UMOD: variants seen among roughly 807,000 people sequenced by gnomAD.
UMOD encodes the protein Tamm-Horsfall urinary glycoprotein.
In UMOD, 64 loss-of-function variants were observed where a neutral mutation model predicts 66.0. The ratio of observed to expected loss-of-function variants is 0.97; its 90% CI spans 0.79 to 1.19. The LOEUF (loss-of-function observed/expected upper bound fraction) is 1.19. Ranked by LOEUF, UMOD falls within the 50% of genes most tolerant of loss-of-function variation. The pLI is 0.00. For missense variants in UMOD, 764 were observed against 850.9 expected, an observed-to-expected ratio of 0.90 and a Z score of 1.27; for synonymous variants, 398 against 352.7, an observed-to-expected ratio of 1.13 and a Z score of -1.44.
Position 20,350,817 on chromosome 16 carries a change from C to G in UMOD, c.-80G>C. On this transcript the variant is annotated 5_prime_UTR_variant, in exon 2 of 11. Coordinates refer to ENST00000396138, the MANE Select transcript of UMOD (RefSeq NM_003361.4). ...ACGGGTTGGCCCTTTGAATTTTTCTCTCTGTCTCTGATGTCTGGTGTCCTG... is the reference window on the plus strand; with the variant it reads ...ACGGGTTGGCCCTTTGAATTTTTCTGTCTGTCTCTGATGTCTGGTGTCCTG... 1 of 1,592,468 alleles carries G rather than the reference C, an allele frequency of 6.3e-7. No individual in the cohort carries two copies. The highest frequency in any genetic ancestry group is 8.6e-7 in the Non-Finnish European group (1 of 1,169,544).
intron 7 of UMOD, among the ~76,000 whole-genome samples, chr16:20,340,717 A>T (rs552713042): frequency 6.6e-6 from 1 of 152,082 alleles, no homozygotes; most frequent in East Asian, 1.9e-4. Flanking sequence ...TTTTTCAGCC[A>T]GGCGTGGTGG....
At chr16:20,339,323 T>C (rs1882661518) in intron 7 of UMOD, among the ~76,000 whole-genome samples, 6 of 152,254 alleles carry the variant, frequency 3.9e-5, no homozygotes, top group African/African-American at 1.2e-4. Context: ...TGTATTATTA[T>C]TTACTTACTA....
At chr16:20,344,336 C>G (rs776979525) in intron 5 of UMOD, among the ~76,000 whole-genome samples, 164 bp from the exon 6 acceptor site, 10 of 152,154 alleles carry the variant, frequency 6.6e-5, no homozygotes, top group Non-Finnish European at 1.5e-4. Context: ...GGCGCATTAG[C>G]TCACGCTTGT....
At chr16:20,350,345 C>T (rs1965830078) in intron 2 of UMOD, among the ~76,000 whole-genome samples, 1 of 152,118 alleles carries the variant, frequency 6.6e-6, no homozygotes, top group African/African-American at 2.4e-5. Flanking sequence ...GATGTTCTAG[C>T]CCCTTGCTTT....
intron 5 of UMOD, 39 bp downstream of exon 5, chr16:20,346,087 G>C (rs746509859): frequency 1.3e-6 from 2 of 1,569,614 alleles, no homozygotes; most frequent in South Asian, 2.2e-5. Context: ...CTTGAACCAG[G>C]CAGTGCTCTG....
intron 10 of UMOD, among the ~76,000 whole-genome samples, chr16:20,334,032 CAAAAA>C (rs575596167): frequency 7.0e-5 from 4 of 57,114 alleles, no homozygotes; most frequent in Admixed American, 2.3e-4. Flanking sequence ...GATTCCATCT[CAAAAA>C]AAAAAAAAAA....
Position 20,336,777 on chromosome 16 carries a change from G to A in UMOD, c.1741-50C>T, listed in dbSNP as rs754791541. ...ACACCCTCCATGAAGGAGCCTGAAT[G>A]TGGTTCTGCCACGTGGAGTGGACTG... is the stretch of plus-strand genomic sequence containing the variant. On this transcript the variant is annotated intron_variant, in intron 8 of 10. Coordinates refer to ENST00000396138, the MANE Select transcript of UMOD (RefSeq NM_003361.4). 9.6e-6 allele frequency: 15 copies of A among 1,566,288 alleles called. No individual in the cohort carries two copies. In the South Asian group the frequency reaches 1.3e-4, roughly 14 times the overall value.
intron 7 of UMOD, among the ~76,000 whole-genome samples, chr16:20,337,934 A>G (rs1225160947): frequency 1.3e-5 from 2 of 152,108 alleles, no homozygotes; most frequent in African/African-American, 4.8e-5. Flanking sequence ...GCACCCAAAC[A>G]CAGTTAGAAG....
At chr16:20,355,638 A>T (rs759584722), upstream of UMOD, among the ~76,000 whole-genome samples, 4 of 151,920 alleles carry the variant, frequency 2.6e-5, no homozygotes, top group Non-Finnish European at 5.9e-5. Context: ...GACCTCAGGT[A>T]ATCTGCCTGC....
rs770789937 is a variant in UMOD at position 20,333,275 on chromosome 16, G to A, written c.*39C>T. 3.1e-6 allele frequency: 5 copies of A among 1,600,704 alleles called. No homozygotes were observed. In the South Asian group the frequency reaches 5.6e-5, roughly 18 times the overall value. ...TCATGCCCCCTGCCCAGCAGGAGGT[G>A]AGATGGCAGCCATGGAGCACAGGGC... On this transcript the variant is annotated 3_prime_UTR_variant, in exon 11 of 11. Transcript: ENST00000396138.
chr16:20,346,414 G>C, intron 4 of UMOD, 80 bp from the exon 5 acceptor site: 1 of 1,467,784 alleles, frequency 6.8e-7, no homozygotes, highest in Admixed American at 1.7e-5. Flanking sequence ...AGGTCCAGCT[G>C]GCTGGGCTGA....
upstream of UMOD, among the ~76,000 whole-genome samples, chr16:20,354,857 A>G (rs1698861089): frequency 6.6e-6 from 1 of 152,176 alleles, no homozygotes. Context: ...CTGCAAATCA[A>G]TCAATCCAGA....
rs376957420 is a variant in UMOD, at chr16:20,348,958, G to T, written c.343C>A (p.Pro115Thr). 3 of 1,573,388 alleles carry T rather than the reference G, an allele frequency of 1.9e-6. No homozygotes were observed. In the African/African-American group the frequency reaches 4.0e-5, roughly 21 times the overall value. ...GCTDVDECAE[P>T]GLSHCHALAT... ...AGGGCGTGGCAGTGGCTAAGCCCAGGCTCAGCGCACTCATCCACGTCTGTG... is the reference window on the plus strand; with the variant it reads ...AGGGCGTGGCAGTGGCTAAGCCCAGTCTCAGCGCACTCATCCACGTCTGTG... Residue 115 changes from proline to threonine, a missense_variant, in exon 3 of 11, where the codon CCT (proline) becomes ACT (threonine). Pro to Thr is a conservative substitution (Grantham distance 38, BLOSUM62 -1). Coordinates refer to ENST00000396138, the MANE Select transcript of UMOD (RefSeq NM_003361.4).
chr16:20,336,705 C>T lies in UMOD; in HGVS notation c.1763G>A (p.Arg588Gln), dbSNP rs387907549. The change falls in exon 9 of 11, where the codon CGA becomes CAA. Residue 588 changes from arginine (R) to glutamine (Q), a missense_variant. Transcript: ENST00000396138. ...CKPTCSGTRF[R>Q]SGSVIDQSRV... ...GGATTGATCTATGACACTCCCACTTCGGAATCTGGTCCCAGAGCAGGTCTA... is the reference window on the plus strand; with the variant it reads ...GGATTGATCTATGACACTCCCACTTTGGAATCTGGTCCCAGAGCAGGTCTA... 72 of 1,614,128 alleles carry T rather than the reference C, an allele frequency of 4.5e-5. 1 individual carries two copies. The highest frequency in any genetic ancestry group is 4.3e-4 in the African/African-American group (32 of 75,048).
At chr16:20,349,725 T>C in intron 2 of UMOD, 1 of 1,530,570 alleles carries the variant, frequency 6.5e-7, no homozygotes, top group South Asian at 1.3e-5. Flanking sequence ...GGATTTACGG[T>C]GAACCTGTTG....
chr16:20,349,737 C>T lies in UMOD; in HGVS notation c.89-525G>A, dbSNP rs12599312. 2,037 of 1,533,884 alleles carry T rather than the reference C, an allele frequency of 1.3e-3. 38 individuals are homozygous for T. The East Asian group carries it at 0.039, about 30-fold the overall frequency. ...GTAGGATTTACGGTGAACCTGTTGC[C>T]CCTCCCTTTCTTTGCACATTTTATG... On this transcript the variant is annotated intron_variant, in intron 2 of 10. Transcript: ENST00000396138.
intron 4 of UMOD, among the ~76,000 whole-genome samples, chr16:20,347,449 T>C (rs901058432): frequency 6.6e-6 from 1 of 152,260 alleles, no homozygotes. Flanking sequence ...TTAGTATTTA[T>C]TTTTTAAAAT....
At chr16:20,343,798 G>A (rs1965371866) in intron 6 of UMOD, among the ~76,000 whole-genome samples, 1 of 152,180 alleles carries the variant, frequency 6.6e-6, no homozygotes, top group Admixed American at 6.5e-5. Flanking sequence ...GCTTGAACCA[G>A]GCAGTGCTTT....
upstream of UMOD, among the ~76,000 whole-genome samples, chr16:20,353,922 A>G (rs1965987287): frequency 1.3e-5 from 2 of 152,158 alleles, no homozygotes; most frequent in Non-Finnish European, 2.9e-5. Context: ...GCATCCCACA[A>G]TAGGCCCCTG....
Sources: gnomAD v4.1 joint callset for allele counts (sites outside exome capture counted in the v4.1 genomes callset) on GRCh38, gnomAD v4.1.1 for gene constraint, MANE v1.5 for transcripts, NCBI Gene and HGNC (gene_info 2026-07-23, HGNC 2026-07-21) for gene names.